CHM: variants seen among roughly 807,000 people sequenced by gnomAD.
CHM encodes the protein rab proteins geranylgeranyltransferase component A 1.
In CHM, 10 loss-of-function variants were observed where a neutral mutation model predicts 49.0. The ratio of observed to expected loss-of-function variants is 0.20; its 90% CI spans 0.13 to 0.35. The LOEUF (loss-of-function observed/expected upper bound fraction) is 0.35. Among genes scored for constraint, CHM ranks in the 10% least tolerant of loss-of-function variants. The pLI is 1.00. For synonymous variants in CHM, 184 were observed against 167.5 expected (o/e 1.10, Z -0.76); for missense variants, 455 against 478.4 (o/e 0.95, Z 0.46).
At position 85,957,158 on chromosome X, in the gene CHM, G is replaced by A. The variant is rs144757069; in HGVS notation, c.940+697C>T. Among the ~76,000 whole-genome samples, 371 of 111,863 alleles carry A rather than the reference G, an allele frequency of 3.3e-3. 1 individual carries two copies. The highest frequency in any genetic ancestry group is 0.014 in the Middle Eastern group (3 of 218). ...TATTTCACAGAGGAAAAAAAATATC[G>A]CTGCACTTCTCATTGTAACTTTATA... On this transcript the variant is annotated intron_variant, in intron 7 of 14. Coordinates refer to ENST00000357749, the MANE Select transcript of CHM (RefSeq NM_000390.4).
chrX:85,964,782 G>A (rs1020487087), intron 4 of CHM, among the ~76,000 whole-genome samples: 7 of 111,940 alleles, frequency 6.3e-5, no homozygotes, highest in African/African-American at 2.3e-4. Context: ...ATTTATTATT[G>A]GAGCTAACAT....
At chrX:86,032,721 T>C (rs1260562978) in intron 1 of CHM, among the ~76,000 whole-genome samples, 1 of 111,872 alleles carries the variant, frequency 8.9e-6, no homozygotes, top group Non-Finnish European at 1.9e-5. Flanking sequence ...CATGTGTAAT[T>C]CTGATGCAAG....
chrX:86,043,917 G>A (rs1342259470), intron 1 of CHM, among the ~76,000 whole-genome samples: 1 of 110,956 alleles, frequency 9.0e-6, no homozygotes, highest in Non-Finnish European at 1.9e-5. Context: ...TAAATCAAAA[G>A]AATATATGTG....
chrX:85,927,349 C>A (rs1465958865), intron 8 of CHM, among the ~76,000 whole-genome samples: 9 of 111,559 alleles, frequency 8.1e-5, no homozygotes, highest in Admixed American at 3.8e-4. Flanking sequence ...CCTGTATATG[C>A]AACTGTAAAA....
intron 2 of CHM, among the ~76,000 whole-genome samples, chrX:86,005,941 C>A (rs1225298201): frequency 9.0e-6 from 1 of 111,580 alleles, no homozygotes; most frequent in Non-Finnish European, 1.9e-5. Flanking sequence ...GATACCAAAG[C>A]CTGGCAGAGA....
chrX:85,927,209 T>C (rs921067608), intron 8 of CHM, among the ~76,000 whole-genome samples: 2 of 112,004 alleles, frequency 1.8e-5, no homozygotes, highest in Non-Finnish European at 3.8e-5. Context: ...GTTAGTACAG[T>C]CTTGGATTTT....
intron 4 of CHM, among the ~76,000 whole-genome samples, chrX:85,966,561 C>G (rs1002090843): frequency 2.2e-4 from 24 of 110,944 alleles, no homozygotes; most frequent in African/African-American, 7.9e-4. Context: ...CAGAATTGTT[C>G]ACACTCTTAT....
intron 8 of CHM, among the ~76,000 whole-genome samples, chrX:85,949,524 A>C (rs1191641679): frequency 1.8e-5 from 2 of 110,472 alleles, no homozygotes; most frequent in African/African-American, 6.6e-5. Flanking sequence ...AGGCAATGAC[A>C]CAGGAAGAGG....
chrX:85,919,099 T>C (rs984310075), intron 8 of CHM, among the ~76,000 whole-genome samples: 11 of 112,083 alleles, frequency 9.8e-5, no homozygotes, highest in Non-Finnish European at 1.5e-4. Context: ...CCATAAAGCA[T>C]ATACACACAG....
intron 8 of CHM, among the ~76,000 whole-genome samples, chrX:85,937,698 G>A (rs1928865647): frequency 9.2e-6 from 1 of 109,269 alleles, no homozygotes; most frequent in African/African-American, 3.3e-5. Flanking sequence ...ACAAAAATTA[G>A]CATGGTGTGG....
intron 11 of CHM, among the ~76,000 whole-genome samples, chrX:85,897,160 T>C (rs979665714): frequency 1.4e-4 from 13 of 92,768 alleles, no homozygotes; most frequent in Admixed American, 2.5e-4. Flanking sequence ...ATAGCATATA[T>C]ATCTAATATA....
rs557866271 is a variant in CHM, at chrX:85,976,283, G to A, written c.314+2484C>T. On this transcript the variant is annotated intron_variant, in intron 4 of 14. Coordinates refer to ENST00000357749, the MANE Select transcript of CHM (RefSeq NM_000390.4). The stretch of plus-strand genomic sequence containing the variant: ...GCCCAAAGTCTGCTTTCAGCTTGCC[G>A]ATGCTGTCTTCTCCTTTATTATTCT... 2.5e-4 allele frequency among the ~76,000 whole-genome samples: 28 copies of A among 111,593 alleles called. 1 individual carries two copies. The South Asian group carries it at 7.5e-3, about 30-fold the overall frequency.
intron 9 of CHM, among the ~76,000 whole-genome samples, chrX:85,901,776 T>C (rs189564701): frequency 8.9e-6 from 1 of 112,231 alleles, no homozygotes. Flanking sequence ...AGGATGATCA[T>C]AGAAAGATTT....
In CHM at chrX:85,949,723, G is replaced by A. The variant is rs149606066; in HGVS notation, c.1166+6430C>T. On this transcript the variant is annotated intron_variant, in intron 8 of 14. Transcript: ENST00000357749. ...AATAAGTGACTTCCAAATTTATAAC[G>A]TTCCCACCTAAAGTCATAAAATCAC... 3.4e-3 allele frequency among the ~76,000 whole-genome samples: 372 copies of A among 108,493 alleles called. 1 individual carries two copies. Among genetic ancestry groups the A allele is most frequent in the Middle Eastern group, 0.014 (3 of 214 alleles). The allele number at this position is 108,493 out of a possible 115,157, so 94.2% of individuals were successfully genotyped here. A position where few individuals can be genotyped will look rare whatever the true frequency, so the allele number is the denominator to read the frequency against.
chrX:85,952,573 A>G, intron 8 of CHM, among the ~76,000 whole-genome samples: 1 of 112,519 alleles, frequency 8.9e-6, no homozygotes, highest in Non-Finnish European at 1.9e-5. Flanking sequence ...ATACCCAGGT[A>G]GTATGCCGTG....
intron 2 of CHM, among the ~76,000 whole-genome samples, chrX:86,019,024 G>T (rs367756025): frequency 7.5e-4 from 83 of 111,349 alleles, no homozygotes; most frequent in African/African-American, 2.5e-3. Flanking sequence ...TGTAACTTAC[G>T]TCTCTGGAGA....
intron 2 of CHM, among the ~76,000 whole-genome samples, chrX:85,998,513 C>T (rs2147741658): frequency 8.9e-6 from 1 of 112,118 alleles, no homozygotes; most frequent in African/African-American, 3.2e-5. Flanking sequence ...ATCAAAAATG[C>T]ATTTAATATA....
At chrX:85,915,763 G>A (rs190555099) in intron 8 of CHM, among the ~76,000 whole-genome samples, 30 of 111,704 alleles carry the variant, frequency 2.7e-4, no homozygotes, top group African/African-American at 9.8e-4. Context: ...TCTCTCCAAG[G>A]AGAACTACAA....
rs763754740 is a variant in CHM, at chrX:85,929,750, A to G, written c.1167-18412T>C. 3.6e-5 allele frequency among the ~76,000 whole-genome samples: 4 copies of G among 111,802 alleles called. 1 individual carries two copies. In the South Asian group the frequency reaches 1.5e-3, roughly 42 times the overall value. On this transcript the variant is annotated intron_variant, in intron 8 of 14. Transcript: ENST00000357749. ...AATATGCATATGATAAAACAGCCCG[A>G]ATTTATAGTCAATTCCTCCCTTTTC...
Sources: gnomAD v4.1 joint callset for allele counts (sites outside exome capture counted in the v4.1 genomes callset) on GRCh38, gnomAD v4.1.1 for gene constraint, MANE v1.5 for transcripts, NCBI Gene and HGNC (gene_info 2026-07-23, HGNC 2026-07-21) for gene names.